Variants in EXOC6B observed in about 807,000 individuals in gnomAD.
EXOC6B encodes the protein exocyst complex component 6B.
A neutral mutation model predicts 113.5 loss-of-function variants in EXOC6B; 54 were observed. The observed-to-expected ratio is 0.48, with a 90% CI of 0.38 to 0.60. The LOEUF (loss-of-function observed/expected upper bound fraction) is 0.60, where lower values mean the gene tolerates loss of function less well. Among genes scored for constraint, EXOC6B ranks in the 20% least tolerant of loss-of-function variants. EXOC6B has a pLI of 0.00. For synonymous variants in EXOC6B, 357 were observed against 339.0 expected (o/e 1.05, Z -0.58); for missense variants, 797 against 977.5 (o/e 0.82, Z 2.46).
chr2:72,286,425 T>G (rs967783673), intron 20 of EXOC6B, among the ~76,000 whole-genome samples: 4 of 152,100 alleles, frequency 2.6e-5, no homozygotes, highest in Non-Finnish European at 5.9e-5. Flanking sequence ...TGATTCCAAC[T>G]ACATGACATT....
intron 11 of EXOC6B, among the ~76,000 whole-genome samples, chr2:72,509,280 G>C (rs1297633029): frequency 6.6e-6 from 1 of 152,110 alleles, no homozygotes; most frequent in Non-Finnish European, 1.5e-5. Flanking sequence ...CCATTCTCTA[G>C]TACTATAAGA....
chr2:72,284,991 G>A (rs1685337741), intron 20 of EXOC6B, among the ~76,000 whole-genome samples: 1 of 151,920 alleles, frequency 6.6e-6, no homozygotes. Context: ...ACAAATAAAT[G>A]AGTTATTTCA....
intron 1 of EXOC6B, among the ~76,000 whole-genome samples, chr2:72,795,627 C>A (rs1176772844): frequency 6.6e-6 from 1 of 152,042 alleles, no homozygotes; most frequent in Non-Finnish European, 1.5e-5. Context: ...AAAAAAACTG[C>A]CCCTTTTCTG....
chr2:72,212,166 G>C (rs1234003173), intron 20 of EXOC6B, among the ~76,000 whole-genome samples: 1 of 152,198 alleles, frequency 6.6e-6, no homozygotes, highest in Non-Finnish European at 1.5e-5. Context: ...GCCTGTCTCT[G>C]TAGGAAGGTA....
chr2:72,759,606 C>G (rs1338017761), intron 1 of EXOC6B, among the ~76,000 whole-genome samples: 1 of 151,566 alleles, frequency 6.6e-6, no homozygotes, highest in East Asian at 1.9e-4. Flanking sequence ...AAGATTTTCA[C>G]AAAAGAAAAA....
intron 1 of EXOC6B, among the ~76,000 whole-genome samples, chr2:72,772,719 C>A (rs879760228): frequency 6.6e-6 from 1 of 152,168 alleles, no homozygotes; most frequent in Non-Finnish European, 1.5e-5. Flanking sequence ...CAGAAGAAAG[C>A]CAACCTATGC....
At chr2:72,410,186 C>T (rs1268212093) in intron 18 of EXOC6B, among the ~76,000 whole-genome samples, 4 of 152,148 alleles carry the variant, frequency 2.6e-5, no homozygotes, top group Non-Finnish European at 5.9e-5. Flanking sequence ...CATATTCTGC[C>T]ACTTGCAACC....
chr2:72,674,264 A>G (rs1185623699), intron 6 of EXOC6B, among the ~76,000 whole-genome samples: 1 of 152,044 alleles, frequency 6.6e-6, no homozygotes, highest in African/African-American at 2.4e-5. Flanking sequence ...CATACTCCCA[A>G]TCTCATTTCA....
intron 19 of EXOC6B, among the ~76,000 whole-genome samples, chr2:72,371,712 C>T (rs1691031755): frequency 6.6e-6 from 1 of 152,052 alleles, no homozygotes; most frequent in Non-Finnish European, 1.5e-5. Flanking sequence ...ATGACAGATC[C>T]ATAGCTAGTA....
chr2:72,485,103 T>C (rs1188358979), intron 16 of EXOC6B, among the ~76,000 whole-genome samples: 2 of 152,194 alleles, frequency 1.3e-5, no homozygotes, highest in Non-Finnish European at 2.9e-5. Context: ...AAAGCATTCC[T>C]ATTTCTTGTG....
chr2:72,430,221 A>G (rs1695440587), intron 18 of EXOC6B, among the ~76,000 whole-genome samples: 2 of 152,252 alleles, frequency 1.3e-5, no homozygotes, highest in Admixed American at 1.3e-4. Flanking sequence ...CCTTCTGCTC[A>G]TCTATAAAGT....
intron 20 of EXOC6B, among the ~76,000 whole-genome samples, chr2:72,294,598 CA>C (rs1394329049): frequency 1.3e-5 from 2 of 152,132 alleles, no homozygotes; most frequent in African/African-American, 4.8e-5. Flanking sequence ...AGTAGGGACA[CA>C]ATCTATTTAC....
At chr2:72,814,885 G>A (rs553290263) in intron 1 of EXOC6B, among the ~76,000 whole-genome samples, 9 of 152,262 alleles carry the variant, frequency 5.9e-5, no homozygotes, top group Admixed American at 5.2e-4. Context: ...CAGCTACTCC[G>A]GAGGCTGAGG....
At chr2:72,555,639 G>C (rs1438878294) in intron 8 of EXOC6B, among the ~76,000 whole-genome samples, 1 of 151,954 alleles carries the variant, frequency 6.6e-6, no homozygotes, top group Non-Finnish European at 1.5e-5. Context: ...TCTTTTGCTG[G>C]AGTTCCACAC....
chr2:72,310,360 G>A (rs1049655222), intron 20 of EXOC6B, among the ~76,000 whole-genome samples: 1 of 152,018 alleles, frequency 6.6e-6, no homozygotes, highest in South Asian at 2.1e-4. Flanking sequence ...TCTCATTGTG[G>A]CTTTGATATG....
At chr2:72,210,024 A>G (rs1680088249) in intron 20 of EXOC6B, among the ~76,000 whole-genome samples, 1 of 152,206 alleles carries the variant, frequency 6.6e-6, no homozygotes, top group Non-Finnish European at 1.5e-5. Flanking sequence ...TTAAAAAAGA[A>G]TTATAAATAC....
chr2:72,824,572 G>A (rs994274525), intron 1 of EXOC6B, among the ~76,000 whole-genome samples: 15 of 152,100 alleles, frequency 9.9e-5, no homozygotes, highest in Admixed American at 9.2e-4. Context: ...TTTCCAGCCT[G>A]CCCTCCAATT....
In EXOC6B at chr2:72,539,524, C is replaced by T. The variant is rs199779285; in HGVS notation, c.915+19929G>A. Among the ~76,000 whole-genome samples the T allele has an allele frequency of 2.6e-5, 4 of 152,298 alleles. No homozygotes were observed. In the East Asian group the frequency reaches 7.7e-4, roughly 29 times the overall value. ...TCACTTTTAGACTGCACTAAAACCT[C>T]TTGCCCCTAGACTACAGCCTCTTGG... On this transcript the variant is annotated intron_variant, in intron 8 of 21. Coordinates refer to ENST00000272427, the MANE Select transcript of EXOC6B (RefSeq NM_015189.3).
intron 1 of EXOC6B, among the ~76,000 whole-genome samples, chr2:72,802,186 A>G (rs537898022): frequency 2.0e-5 from 3 of 152,018 alleles, no homozygotes; most frequent in South Asian, 4.2e-4. Context: ...ATAGCCGGGC[A>G]TGGTGGCACG....
Sources: gnomAD v4.1 joint callset for allele counts (sites outside exome capture counted in the v4.1 genomes callset) on GRCh38, gnomAD v4.1.1 for gene constraint, MANE v1.5 for transcripts, NCBI Gene and HGNC (gene_info 2026-07-23, HGNC 2026-07-21) for gene names.